Variants in ENTPD1 observed in about 807,000 individuals in gnomAD.
ENTPD1 encodes ATP diphosphohydrolase.
A neutral mutation model predicts 57.0 loss-of-function variants in ENTPD1; 33 were observed. The ratio of observed to expected loss-of-function variants is 0.58; its 90% CI spans 0.44 to 0.77. The LOEUF (loss-of-function observed/expected upper bound fraction) is 0.77. Among genes scored for constraint, ENTPD1 ranks in the 30% least tolerant of loss-of-function variants. The pLI is 0.00. For missense variants in ENTPD1, 501 were observed against 603.4 expected (o/e 0.83, Z 1.78); for synonymous variants, 202 against 218.8 (o/e 0.92, Z 0.68).
intron 8 of ENTPD1, among the ~76,000 whole-genome samples, chr10:95,864,408 A>G (rs1271573241): frequency 6.6e-6 from 1 of 152,250 alleles, no homozygotes; most frequent in Non-Finnish European, 1.5e-5. Context: ...AACAAAGTCT[A>G]GGGCATGAAC....
intron 1 of ENTPD1, among the ~76,000 whole-genome samples, chr10:95,809,707 C>G (rs999809714): frequency 3.4e-5 from 5 of 148,494 alleles, no homozygotes; most frequent in Non-Finnish European, 7.5e-5. Context: ...CTCCCCACCC[C>G]CCAGACGGGG....
At chr10:95,753,980 AGT>A (rs955304955), upstream of ENTPD1, 5 of 148,810 alleles carry the variant, frequency 3.4e-5, no homozygotes, top group African/African-American at 1.3e-4. Context: ...TGGATGACAG[AGT>A]GAGGCTCTGT....
intron 9 of ENTPD1, 125 bp downstream of exon 9, chr10:95,864,986 A>C: frequency 8.6e-7 from 1 of 1,161,730 alleles, no homozygotes; most frequent in South Asian, 1.5e-5. Context: ...CTGTTCTGCC[A>C]TTCTGCTTCA....
Position 95,842,396 on chromosome 10 carries a change from G to T in ENTPD1, c.315G>T (p.Leu105=). ...AAGTAAATGAAATAGGCATTTACCT[G>T]ACTGATTGCATGGAAAGAGCTAGGG... ...VQKVNEIGIY[L]TDCMERAREV... Residue 105 remains leucine, a synonymous_variant, in exon 4 of 10, where the codon CTG becomes CTT. Transcript: ENST00000371205. The T allele has an allele frequency of 1.2e-6, 2 of 1,614,008 alleles. No individual in the cohort carries two copies. The highest frequency in any genetic ancestry group is 1.7e-6 in the Non-Finnish European group (2 of 1,179,992).
At chr10:95,859,993 G>C (rs1182666938) in intron 7 of ENTPD1, among the ~76,000 whole-genome samples, 1 of 152,048 alleles carries the variant, frequency 6.6e-6, no homozygotes, top group Non-Finnish European at 1.5e-5. Context: ...GTTGAATAAA[G>C]ATGGATTTTT....
At chr10:95,701,876 A>G in the ENTPD1 span, among the ~76,000 whole-genome samples, 1 of 152,172 alleles carries the variant, frequency 6.6e-6, no homozygotes, top group Non-Finnish European at 1.5e-5. Context: ...ACTAATTAAA[A>G]ATGAAAGTTA....
At position 95,869,410 on chromosome 10, in the gene ENTPD1, C is replaced by G. The variant is rs948214777; in HGVS notation, c.*3027C>G. 42 of 669,354 alleles carry G rather than the reference C, an allele frequency of 6.3e-5. No homozygotes were observed. The highest frequency in any genetic ancestry group is 7.7e-5 in the Non-Finnish European group (42 of 541,964). 41.5% of individuals were successfully genotyped at this position (669,354 alleles called of 1,614,324 possible). ...GATTGCAGGTGCCCACCACCACACC[C>G]GGCTAATTTTTGTATTTTTAGTAAA... On this transcript the variant is annotated 3_prime_UTR_variant, in exon 10 of 10. Coordinates refer to ENST00000371205, the MANE Select transcript of ENTPD1 (RefSeq NM_001776.6).
intron 1 of ENTPD1, among the ~76,000 whole-genome samples, chr10:95,736,616 A>G (rs1012833963): frequency 1.3e-5 from 2 of 151,994 alleles, no homozygotes; most frequent in Non-Finnish European, 2.9e-5. Flanking sequence ...TTGCACGCAC[A>G]CCCCTTCAGA....
At position 95,872,487 on chromosome 10, in the gene ENTPD1, A is replaced by G; in HGVS notation, c.*6104A>G. The G allele has an allele frequency of 1.0e-6, 1 of 984,922 alleles. No homozygotes were observed. Among genetic ancestry groups the G allele is most frequent in the Non-Finnish European group, 1.2e-6 (1 of 829,516 alleles). 61.0% of individuals were successfully genotyped at this position (984,922 alleles called of 1,614,324 possible). ...TCTTGCACCTTCAAAGCTCATTTCA[A>G]ATGCCCCTTCATTTGTGAAGCCTTC... On this transcript the variant is annotated 3_prime_UTR_variant, in exon 10 of 10. Transcript: ENST00000371205.
intron 1 of ENTPD1, among the ~76,000 whole-genome samples, chr10:95,809,759 G>A (rs549698264): frequency 1.0e-4 from 15 of 146,094 alleles, no homozygotes; most frequent in Middle Eastern, 3.7e-3. Context: ...CAGATGGGGC[G>A]GCTGGGCAGA....
chr10:95,702,271 A>G, the ENTPD1 span, among the ~76,000 whole-genome samples: 149 of 152,280 alleles, frequency 9.8e-4, 3 homozygotes, highest in East Asian at 0.024. Context: ...AATAGCTGAC[A>G]AGATGGAGAA....
In ENTPD1 at chr10:95,801,226, G is replaced by A. The variant is rs145061415; in HGVS notation, c.17-22011G>A. Among the ~76,000 whole-genome samples, 329 of 152,196 alleles carry A rather than the reference G, an allele frequency of 2.2e-3. 5 individuals are homozygous for A. Among genetic ancestry groups the A allele is most frequent in the Middle Eastern group, 0.02 (6 of 294 alleles). ...CATTAGATACCATTTGTCAATTTTT[G>A]CTTTTGTTGCTATTGCTTTTGGTGT... On this transcript the variant is annotated intron_variant, in intron 1 of 9. Coordinates refer to ENST00000371205, the MANE Select transcript of ENTPD1 (RefSeq NM_001776.6).
intron 1 of ENTPD1, among the ~76,000 whole-genome samples, chr10:95,807,406 T>G (rs2098277763): frequency 6.6e-6 from 1 of 152,216 alleles, no homozygotes; most frequent in African/African-American, 2.4e-5. Flanking sequence ...TTTCCAGGTG[T>G]AATATGTCAC....
intron 1 of ENTPD1, among the ~76,000 whole-genome samples, chr10:95,720,095 A>G (rs986631558): frequency 1.3e-5 from 2 of 152,078 alleles, no homozygotes; most frequent in Non-Finnish European, 2.9e-5. Context: ...GGGCTATTGC[A>G]TGGTTTTACT....
chr10:95,809,823 C>G (rs1379431999), intron 1 of ENTPD1, among the ~76,000 whole-genome samples: 1 of 148,970 alleles, frequency 6.7e-6, no homozygotes, highest in African/African-American at 2.5e-5. Flanking sequence ...CCCCACTTCC[C>G]AGACGGGGCA....
At chr10:95,711,900 C>T in exon 1 of ENTPD1, 2 of 1,610,280 alleles carry the variant, frequency 1.2e-6, no homozygotes, top group Non-Finnish European at 1.7e-6. Context: ...CTTGGCCCCT[C>T]CAGTTTTGGT....
intron 1 of ENTPD1, among the ~76,000 whole-genome samples, chr10:95,795,439 G>A (rs572431614): frequency 5.9e-5 from 9 of 152,292 alleles, no homozygotes; most frequent in African/African-American, 9.6e-5. Flanking sequence ...GGCACAATAG[G>A]TTTAAGGTGC....
At position 95,869,171 on chromosome 10, in the gene ENTPD1, T is replaced by C; in HGVS notation, c.*2788T>C. 1.0e-6 allele frequency: 1 copy of C among 985,074 alleles called. No homozygotes were observed. The highest frequency in any genetic ancestry group is 1.2e-6 in the Non-Finnish European group (1 of 829,848). The allele number at this position is 985,074 out of a possible 1,614,324, so 61.0% of individuals were successfully genotyped here. Reference sequence around the variant, plus strand: ...TCCTTTATGAGGAACCTTTTAAAGATTCCTTTATAAGGTGGGAGTTTTTTT... The same window carrying C: ...TCCTTTATGAGGAACCTTTTAAAGACTCCTTTATAAGGTGGGAGTTTTTTT... On this transcript the variant is annotated 3_prime_UTR_variant, in exon 10 of 10. Coordinates refer to ENST00000371205, the MANE Select transcript of ENTPD1 (RefSeq NM_001776.6).
At chr10:95,751,044 TC>T (rs2098011229), upstream of ENTPD1, among the ~76,000 whole-genome samples, 3 of 151,992 alleles carry the variant, frequency 2.0e-5, no homozygotes, top group South Asian at 6.2e-4. Flanking sequence ...AAACAAAAAT[TC>T]AGAGTTTTAT....
Sources: allele counts gnomAD v4.1 joint callset (sites outside exome capture counted in the v4.1 genomes callset), GRCh38; gene constraint gnomAD v4.1.1; transcripts MANE v1.5; gene names NCBI Gene and HGNC (gene_info 2026-07-23, HGNC 2026-07-21).